STAP1: variants seen among roughly 807,000 people sequenced by gnomAD.
STAP1 encodes the protein signal-transducing adaptor protein 1.
In STAP1, 30 loss-of-function variants were observed where a neutral mutation model predicts 37.8. The ratio of observed to expected loss-of-function variants is 0.79; its 90% CI spans 0.59 to 1.08. STAP1 has a LOEUF of 1.08. Ranked by LOEUF, STAP1 falls within the 50% of genes least tolerant of loss-of-function variation. The pLI is 0.00. For missense variants in STAP1, 357 were observed against 349.4 expected (o/e 1.02, Z -0.17); for synonymous variants, 130 against 116.0 (o/e 1.12, Z -0.78).
At chr4:67,573,734 A>G (rs1473073763) in intron 2 of STAP1, among the ~76,000 whole-genome samples, 1 of 152,172 alleles carries the variant, frequency 6.6e-6, no homozygotes, top group Non-Finnish European at 1.5e-5. Context: ...AAACTCATCA[A>G]TATAGAAATA....
rs1728459714 is a variant in STAP1 at position 67,606,828 on chromosome 4, G to A, written c.*471G>A. 1 of 152,328 alleles carries A rather than the reference G, an allele frequency of 6.6e-6. No homozygotes were observed. The highest frequency in any genetic ancestry group is 2.1e-4 in the South Asian group (1 of 4,824). 9.4% of individuals were successfully genotyped at this position (152,328 alleles called of 1,614,324 possible). On this transcript the variant is annotated 3_prime_UTR_variant, in exon 9 of 9. Coordinates refer to ENST00000265404, the MANE Select transcript of STAP1 (RefSeq NM_012108.4). ...TAGAGACATGAAATGTACTAGAGGA[G>A]CCCTTTTCCAATGGAAATATTATAT...
chr4:67,570,973 G>A (rs1727592339), intron 1 of STAP1, 111 bp from the exon 2 acceptor site: 3 of 865,444 alleles, frequency 3.5e-6, no homozygotes, highest in Non-Finnish European at 5.6e-6. Flanking sequence ...CCAGGATAAA[G>A]AAGACTTCTT....
intron 6 of STAP1, 30 bp downstream of exon 6, chr4:67,583,732 T>G (rs1345697931): frequency 6.2e-7 from 1 of 1,601,258 alleles, no homozygotes. Context: ...ATGTATGGAA[T>G]TTTTAAAAGC....
chr4:67,559,199 A>G (rs1727279986), intron 1 of STAP1, among the ~76,000 whole-genome samples: 1 of 152,172 alleles, frequency 6.6e-6, no homozygotes, highest in Non-Finnish European at 1.5e-5. Flanking sequence ...TAAATTTCCA[A>G]AGAATTTATT....
In STAP1 at chr4:67,607,151, C is replaced by T. The variant is rs1463628574; in HGVS notation, c.*794C>T. On this transcript the variant is annotated 3_prime_UTR_variant, in exon 9 of 9. Transcript: ENST00000265404. ...TTGATGGTTATCAATTTGGGAATCA[C>T]ACAATCAACTAAGAATGAAAAGATA... The T allele has an allele frequency of 1.3e-5, 2 of 152,032 alleles. No homozygotes were observed. Among genetic ancestry groups the T allele is most frequent in the African/African-American group, 4.8e-5 (2 of 41,372 alleles). 9.4% of individuals were successfully genotyped at this position (152,032 alleles called of 1,614,324 possible).
intron 3 of STAP1, among the ~76,000 whole-genome samples, chr4:67,576,274 T>C (rs1727718320): frequency 6.6e-6 from 1 of 152,196 alleles, no homozygotes; most frequent in South Asian, 2.1e-4. Context: ...CCTTTAATTT[T>C]TCTCATTTCT....
chr4:67,588,396 T>G (rs1231685443), intron 6 of STAP1, among the ~76,000 whole-genome samples: 2 of 151,988 alleles, frequency 1.3e-5, no homozygotes, highest in Non-Finnish European at 1.5e-5. Flanking sequence ...TTTTTTTTGT[T>G]GTTGTTGTTG....
intron 4 of STAP1, among the ~76,000 whole-genome samples, chr4:67,577,577 A>G (rs1727752479): frequency 6.6e-6 from 1 of 151,750 alleles, no homozygotes; most frequent in Non-Finnish European, 1.5e-5. Context: ...GGTCCTTTGT[A>G]TATTCTGATA....
At chr4:67,582,656 A>G (rs7670716) in intron 5 of STAP1, among the ~76,000 whole-genome samples, 44,480 of 151,260 alleles carry the variant, frequency 0.29, 6,961 homozygotes, top group South Asian at 0.41. Flanking sequence ...GAATATGACT[A>G]TATATTTTCT....
chr4:67,599,140 A>T (rs559700414), intron 8 of STAP1, among the ~76,000 whole-genome samples: 1 of 152,206 alleles, frequency 6.6e-6, no homozygotes, highest in African/African-American at 2.4e-5. Context: ...GGAGTTTTAC[A>T]TCAATGTTCA....
chr4:67,559,387 T>A (rs1035463287), intron 1 of STAP1, among the ~76,000 whole-genome samples: 15 of 152,224 alleles, frequency 9.9e-5, no homozygotes, highest in African/African-American at 3.4e-4. Flanking sequence ...TTATTAAAAA[T>A]GGCTTTTGTA....
At chr4:67,598,296 A>AGG (rs1227185628) in intron 8 of STAP1, among the ~76,000 whole-genome samples, 1 of 152,186 alleles carries the variant, frequency 6.6e-6, no homozygotes, top group East Asian at 1.9e-4. Context: ...GTATATACCT[A>AGG]GCAGTGGGAT....
At chr4:67,587,895 T>C (rs1243914682) in intron 6 of STAP1, among the ~76,000 whole-genome samples, 1 of 151,726 alleles carries the variant, frequency 6.6e-6, no homozygotes, top group Non-Finnish European at 1.5e-5. Context: ...TAATTTTTTT[T>C]GTAGTTTTAG....
At chr4:67,591,043 C>G (rs1728109910) in intron 7 of STAP1, 90 bp downstream of exon 7, 2 of 841,236 alleles carry the variant, frequency 2.4e-6, no homozygotes, top group Non-Finnish European at 3.7e-6. Flanking sequence ...AGTTAAGGAG[C>G]CCTGAATGTG....
At chr4:67,572,838 G>A (rs1232946705) in intron 2 of STAP1, among the ~76,000 whole-genome samples, 3 of 152,138 alleles carry the variant, frequency 2.0e-5, no homozygotes, top group Non-Finnish European at 4.4e-5. Context: ...TTATAGATGA[G>A]ATTAGTGAAG....
At position 67,592,881 on chromosome 4, in the gene STAP1, G is replaced by A. The variant is rs553460852; in HGVS notation, c.730-379G>A. ...TCAATTTTCGTAGAGACAGGATCTC[G>A]CTATGTTGCTCAGGCTGGTCTGAAA... is the stretch of plus-strand genomic sequence containing the variant. On this transcript the variant is annotated intron_variant, in intron 7 of 8. Coordinates refer to ENST00000265404, the MANE Select transcript of STAP1 (RefSeq NM_012108.4). 5.9e-5 allele frequency among the ~76,000 whole-genome samples: 9 copies of A among 152,192 alleles called. No individual in the cohort carries two copies. The East Asian group carries it at 9.7e-4, about 16-fold the overall frequency.
intron 8 of STAP1, among the ~76,000 whole-genome samples, chr4:67,595,205 G>T (rs181728230): frequency 1.2e-3 from 180 of 151,912 alleles, no homozygotes; most frequent in African/African-American, 4.0e-3. Context: ...ATGTGTCAAG[G>T]TTCATTTAGT....
intron 6 of STAP1, among the ~76,000 whole-genome samples, chr4:67,584,942 T>C (rs1404752519): frequency 1.3e-5 from 2 of 152,198 alleles, no homozygotes; most frequent in Admixed American, 6.5e-5. Flanking sequence ...CTAATTTCTT[T>C]CTGGTAAAAT....
intron 1 of STAP1, among the ~76,000 whole-genome samples, chr4:67,570,356 TACA>T (rs1727574397): frequency 1.3e-5 from 2 of 152,216 alleles, no homozygotes; most frequent in Non-Finnish European, 2.9e-5. Flanking sequence ...TGCATTGTGC[TACA>T]ACATTATTGA....
Sources: allele counts gnomAD v4.1 joint callset (sites outside exome capture counted in the v4.1 genomes callset), GRCh38; gene constraint gnomAD v4.1.1; transcripts MANE v1.5; gene names NCBI Gene and HGNC (gene_info 2026-07-23, HGNC 2026-07-21).